Variants in KRT35 observed in about 807,000 individuals in gnomAD.
The protein encoded by KRT35 is keratin, type I cuticular Ha5.
A neutral mutation model predicts 42.2 loss-of-function variants in KRT35; 33 were observed. That is an observed-to-expected ratio of 0.78 (90% CI 0.59 to 1.05). KRT35 has a LOEUF of 1.05. Among genes scored for constraint, KRT35 ranks in the 50% least tolerant of loss-of-function variants. The probability of loss-of-function intolerance (pLI) is 0.00; values close to 1 mark genes in which losing one functional copy is unlikely to be tolerated. For synonymous variants in KRT35, 218 were observed against 238.2 expected (o/e 0.92, Z 0.78); for missense variants, 585 against 589.2 (o/e 0.99, Z 0.07).
chr17:41,480,625 A>C lies in KRT35; in HGVS notation c.471+2T>G. On this transcript the variant is annotated splice_donor_variant, in intron 1 of 6. Coordinates refer to ENST00000246639, the MANE Select transcript of KRT35 (RefSeq NM_002280.6). LOFTEE classifies it high-confidence loss of function. Reference sequence around the variant, plus strand: ...AATCCAAAGCCACTCTGAACCTCTTACCTTCTTCTGGAGCTCCTCGATGGT... The same window carrying C: ...AATCCAAAGCCACTCTGAACCTCTTCCCTTCTTCTGGAGCTCCTCGATGGT... 6.2e-7 allele frequency: 1 copy of C among 1,610,736 alleles called. No individual in the cohort carries two copies. Among genetic ancestry groups the C allele is most frequent in the Non-Finnish European group, 8.5e-7 (1 of 1,177,190 alleles).
chr17:41,476,873 A>G lies in KRT35; in HGVS notation c.*183T>C, dbSNP rs2019177924. Reference sequence around the variant, plus strand: ...ATGAGGAGTTGAGACCTTTGGGGGCAGCCGGCCTTTGTGACAGGCTCTGAG... The same window carrying G: ...ATGAGGAGTTGAGACCTTTGGGGGCGGCCGGCCTTTGTGACAGGCTCTGAG... On this transcript the variant is annotated 3_prime_UTR_variant, in exon 7 of 7. Coordinates refer to ENST00000246639, the MANE Select transcript of KRT35 (RefSeq NM_002280.6). 3.6e-6 allele frequency: 2 copies of G among 558,492 alleles called. No individual in the cohort carries two copies. The highest frequency in any genetic ancestry group is 2.0e-5 in the African/African-American group (1 of 50,920). 34.6% of individuals were successfully genotyped at this position (558,492 alleles called of 1,614,324 possible).
rs367885840 is a variant in KRT35 at position 41,479,337 on chromosome 17, C to T, written c.711+10G>A. Reference sequence around the variant, plus strand: ...TGCTGTGCCGTGTTCACCTTTTCCCCCATGCTCACCTCCTCATGGTTCTTC... The same window carrying T: ...TGCTGTGCCGTGTTCACCTTTTCCCTCATGCTCACCTCCTCATGGTTCTTC... On this transcript the variant is annotated intron_variant, in intron 3 of 6. Coordinates refer to ENST00000246639, the MANE Select transcript of KRT35 (RefSeq NM_002280.6). 45 of 1,612,924 alleles carry T rather than the reference C, an allele frequency of 2.8e-5. No individual in the cohort carries two copies. The highest frequency in any genetic ancestry group is 3.8e-5 in the Non-Finnish European group (45 of 1,179,616).
In KRT35 at chr17:41,478,334, G is replaced by A. The variant is rs759610105; in HGVS notation, c.999+27C>T. 9.3e-6 allele frequency: 15 copies of A among 1,608,458 alleles called. No homozygotes were observed. In the African/African-American group the frequency reaches 1.7e-4, roughly 19 times the overall value. ...GTGTGCTCCTCGGCTTGGTCCAGAGGCAGCTCCACCCTGCCTTGGGGCTCA... is the reference window on the plus strand; with the variant it reads ...GTGTGCTCCTCGGCTTGGTCCAGAGACAGCTCCACCCTGCCTTGGGGCTCA... On this transcript the variant is annotated intron_variant, in intron 5 of 6. Transcript: ENST00000246639.
intron 3 of KRT35, 110 bp downstream of exon 3, chr17:41,479,237 T>C (rs1385462657): frequency 1.6e-6 from 2 of 1,256,986 alleles, no homozygotes; most frequent in Admixed American, 2.1e-5. Context: ...CTCCCTCATG[T>C]TCACCTCCCC....
chr17:41,480,825 G>T lies in KRT35; in HGVS notation c.273C>A (p.Gly91=), dbSNP rs375272934. Residue 91 remains glycine (G), a synonymous_variant, in exon 1 of 7, where the codon GGC becomes GGA. Transcript: ENST00000246639. ...TCTCCTTCTCATTGCCAGTGAGGAT[G>T]CCCTCCCCAAACCAGCCCCCACCCC... ...YSGGGGWFGE[G]ILTGNEKETM... 6.2e-7 allele frequency: 1 copy of T among 1,614,182 alleles called. No individual in the cohort carries two copies. Among genetic ancestry groups the T allele is most frequent in the Non-Finnish European group, 8.5e-7 (1 of 1,180,012 alleles).
At chr17:41,477,789 G>A in intron 5 of KRT35, 51 bp from the exon 6 acceptor site, 1 of 1,563,578 alleles carries the variant, frequency 6.4e-7, no homozygotes, top group Non-Finnish European at 8.7e-7. Context: ...GGTCAGAGAA[G>A]GAGCAAGGAA....
At position 41,481,104 on chromosome 17, in the gene KRT35, T is replaced by C; in HGVS notation, c.-7A>G. The C allele has an allele frequency of 1.9e-6, 3 of 1,589,270 alleles. No individual in the cohort carries two copies. The highest frequency in any genetic ancestry group is 1.8e-5 in the Admixed American group (1 of 55,828). On this transcript the variant is annotated 5_prime_UTR_variant, in exon 1 of 7. Coordinates refer to ENST00000246639, the MANE Select transcript of KRT35 (RefSeq NM_002280.6). ...TGAGGCATTTGGAAGCCATGGCCCCTGCAACTCAGATGCAATTGATAGGTC... is the reference window on the plus strand; with the variant it reads ...TGAGGCATTTGGAAGCCATGGCCCCCGCAACTCAGATGCAATTGATAGGTC...
Position 41,480,754 on chromosome 17 carries a change from A to C in KRT35, c.344T>G (p.Val115Gly), listed in dbSNP as rs1425662958. The C allele has an allele frequency of 3.1e-6, 5 of 1,614,174 alleles. No homozygotes were observed. The highest frequency in any genetic ancestry group is 4.2e-6 in the Non-Finnish European group (5 of 1,180,028). ...GGCGTTCTCCTGCTCCAGCTGACGC[A>C]CCTTCTCCAGGTAGCCGGCCAGGCG... ...NDRLAGYLEK[V>G]RQLEQENASL... Residue 115 changes from valine to glycine, a missense_variant, in exon 1 of 7, where the codon GTG becomes GGG. Val to Gly is a moderately radical substitution (Grantham distance 109). Coordinates refer to ENST00000246639, the MANE Select transcript of KRT35 (RefSeq NM_002280.6).
In KRT35 at chr17:41,476,988, T is replaced by G; in HGVS notation, c.*68A>C. The G allele has an allele frequency of 1.4e-6, 2 of 1,438,758 alleles. No individual in the cohort carries two copies. The highest frequency in any genetic ancestry group is 1.9e-6 in the Non-Finnish European group (2 of 1,072,054). The allele number at this position is 1,438,758 out of a possible 1,614,324, so 89.1% of individuals were successfully genotyped here. A position where few individuals can be genotyped will look rare whatever the true frequency, so the allele number is the denominator to read the frequency against. On this transcript the variant is annotated 3_prime_UTR_variant, in exon 7 of 7. Coordinates refer to ENST00000246639, the MANE Select transcript of KRT35 (RefSeq NM_002280.6). ...AAGAGAGGGGATTGGGCTACAAGGGTTAAGTTTGGGTAGAGGCCAAGTTCA... is the reference window on the plus strand; with the variant it reads ...AAGAGAGGGGATTGGGCTACAAGGGGTAAGTTTGGGTAGAGGCCAAGTTCA...
At chr17:41,477,801 G>C in intron 5 of KRT35, 63 bp from the exon 6 acceptor site, 1 of 1,524,092 alleles carries the variant, frequency 6.6e-7, no homozygotes, top group Non-Finnish European at 8.9e-7. Flanking sequence ...AGCAAGGAAG[G>C]AATCTTCCTT....
At position 41,477,644 on chromosome 17, in the gene KRT35, T is replaced by G. The variant is rs569691708; in HGVS notation, c.1094A>C (p.Gln365Pro). 9 of 1,614,248 alleles carry G rather than the reference T, an allele frequency of 5.6e-6. No individual in the cohort carries two copies. The South Asian group carries it at 9.9e-5, about 18-fold the overall frequency. The stretch of plus-strand genomic sequence containing the variant: ...CAGGTCAGCCCGGATCTCGGCCAGC[T>G]GGGCCTCCACGTTGGTGATCATGCA... The part of the protein sequence containing the change: ...MQCMITNVEA[Q>P]LAEIRADLER... The change falls in exon 6 of 7, where the codon CAG (glutamine) becomes CCG (proline). Residue 365 changes from glutamine to proline, a missense_variant. Transcript: ENST00000246639.
rs369185181 is a variant in KRT35 at position 41,477,682 on chromosome 17, C to T, written c.1056G>A (p.Leu352=). The T allele has an allele frequency of 4.0e-5, 64 of 1,614,236 alleles. No individual in the cohort carries two copies. In the African/African-American group the frequency reaches 7.9e-4, roughly 20 times the overall value. ...TGGTGATCATGCACTGCATCTGGGC[C>T]AGCTGGGAGCTATAGCGGGCCTCCG... ...AETEARYSSQ[L]AQMQCMITNV... is the part of the protein sequence containing the mutation. Residue 352 remains leucine (L), a synonymous_variant, in exon 6 of 7, where the codon CTG becomes CTA. Transcript: ENST00000246639.
rs1191638949 is a variant in KRT35, at chr17:41,481,039, C to A, written c.59G>T (p.Gly20Val). The A allele has an allele frequency of 6.2e-7, 1 of 1,613,816 alleles. No individual in the cohort carries two copies. Among genetic ancestry groups the A allele is most frequent in the Non-Finnish European group, 8.5e-7 (1 of 1,180,012 alleles). ...CACACGAGTGGAGCCCCCACTGGCC[C>A]CTCCTGGGCTCTTGAGAGACCCAGA... The part of the protein sequence containing the change: ...FSSGSLKSPG[G>V]ASGGSTRVSA... The change falls in exon 1 of 7, where the codon GGG becomes GTG. Residue 20 changes from glycine (G) to valine (V), a missense_variant. Gly to Val is a moderately radical substitution (Grantham distance 109). Transcript: ENST00000246639.
At position 41,478,379 on chromosome 17, in the gene KRT35, C is replaced by T; in HGVS notation, c.981G>A (p.Leu327=). The change falls in exon 5 of 7, where the codon CTG becomes CTA. Residue 327 remains leucine (L), a synonymous_variant. Coordinates refer to ENST00000246639, the MANE Select transcript of KRT35 (RefSeq NM_002280.6). ...RRTVNALEIE[L]QAQHSMRDAL... ...GGCTCACCATGCTGTGCTGAGCCTG[C>T]AGCTCAATCTCCAGGGCGTTGACCG... is the stretch of plus-strand genomic sequence containing the variant. 2 of 1,613,546 alleles carry T rather than the reference C, an allele frequency of 1.2e-6. No homozygotes were observed. The highest frequency in any genetic ancestry group is 1.7e-6 in the Non-Finnish European group (2 of 1,179,858).
intron 4 of KRT35, 21 bp downstream of exon 4, chr17:41,478,813 T>G (rs1288854977): frequency 6.2e-7 from 1 of 1,607,126 alleles, no homozygotes; most frequent in Admixed American, 1.7e-5. Flanking sequence ...CCTGTTGCAC[T>G]GACTGTTTCC....
At position 41,478,978 on chromosome 17, in the gene KRT35, G is replaced by A; in HGVS notation, c.729C>T (p.Arg243=). The A allele has an allele frequency of 6.2e-7, 1 of 1,613,446 alleles. No individual in the cohort carries two copies. Among genetic ancestry groups the A allele is most frequent in the Non-Finnish European group, 8.5e-7 (1 of 1,179,620 alleles). The change falls in exon 4 of 7, where the codon CGC becomes CGT. Residue 243 remains arginine (R), a synonymous_variant. Coordinates refer to ENST00000246639, the MANE Select transcript of KRT35 (RefSeq NM_002280.6). ...KNHEEEVNSL[R]CQLGDRLNVE... The stretch of plus-strand genomic sequence containing the variant: ...CATTGAGGCGGTCACCAAGTTGGCA[G>A]CGCAGTGAGTTCACTTCCTATAGCA...
Position 41,480,649 on chromosome 17 carries a change from G to A in KRT35, c.449C>T (p.Thr150Ile). 1 of 1,613,858 alleles carries A rather than the reference G, an allele frequency of 6.2e-7. No homozygotes were observed. The highest frequency in any genetic ancestry group is 2.2e-5 in the East Asian group (1 of 44,866). Residue 150 changes from threonine (T) to isoleucine (I), a missense_variant, in exon 1 of 7, where the codon ACC (threonine) becomes ATC (isoleucine). Coordinates refer to ENST00000246639, the MANE Select transcript of KRT35 (RefSeq NM_002280.6). ...TACCTTCTTCTGGAGCTCCTCGATG[G>A]TCCGGAAGTAGGACTGGTAGTCAGG... ...MCPDYQSYFR[T>I]IEELQKKTLC...
rs753185433 is a variant in KRT35 at position 41,479,654 on chromosome 17, C to T, written c.554+45G>A. On this transcript the variant is annotated intron_variant, in intron 2 of 6. Transcript: ENST00000246639. ...CCCTGAGCTCAGGCATCACCTGTGT[C>T]CAGTTCTAGCAGCCCCCAACCACAT... is the stretch of plus-strand genomic sequence containing the variant. The T allele has an allele frequency of 8.2e-6, 13 of 1,588,664 alleles. No individual in the cohort carries two copies. The African/African-American group carries it at 9.4e-5, about 11-fold the overall frequency.
At chr17:41,480,103 A>G (rs936394760) in intron 1 of KRT35, among the ~76,000 whole-genome samples, 1 of 152,186 alleles carries the variant, frequency 6.6e-6, no homozygotes, top group Non-Finnish European at 1.5e-5. Flanking sequence ...AGGGCATTTC[A>G]TTGCCAACAA....
Sources: gnomAD v4.1 joint callset for allele counts (sites outside exome capture counted in the v4.1 genomes callset) on GRCh38, gnomAD v4.1.1 for gene constraint, MANE v1.5 for transcripts, NCBI Gene and HGNC (gene_info 2026-07-23, HGNC 2026-07-21) for gene names.